The following RYR3 variants were observed in gnomAD, a reference collection of about 807,000 sequenced individuals.
RYR3 encodes the protein brain ryanodine receptor-calcium release channel.
Under a neutral mutation model 584.3 loss-of-function variants are expected in RYR3, and 207 were observed. That is an observed-to-expected ratio of 0.35 (90% CI 0.32 to 0.40). RYR3 has a LOEUF of 0.40. Among genes scored for constraint, RYR3 ranks in the 10% least tolerant of loss-of-function variants. RYR3 has a pLI of 1.00. For synonymous variants in RYR3, 2,416 were observed against 2,248.5 expected, an observed-to-expected ratio of 1.07 and a Z score of -2.11; for missense variants, 5,616 against 6,089.2, an observed-to-expected ratio of 0.92 and a Z score of 2.59.
At chr15:33,460,940 CTT>C (rs66742049) in intron 1 of RYR3, among the ~76,000 whole-genome samples, 32 of 79,208 alleles carry the variant, frequency 4.0e-4, no homozygotes, top group Admixed American at 1.3e-3. Flanking sequence ...TAATATCCAC[CTT>C]TTTTTTTTTT....
intron 38 of RYR3, among the ~76,000 whole-genome samples, chr15:33,681,319 G>C (rs554153103): frequency 6.6e-6 from 1 of 152,324 alleles, no homozygotes; most frequent in East Asian, 1.9e-4. Context: ...TAATGGTACT[G>C]CAAACAACAC....
At chr15:33,478,148 A>G (rs1325341190) in intron 2 of RYR3, among the ~76,000 whole-genome samples, 1 of 152,002 alleles carries the variant, frequency 6.6e-6, no homozygotes, top group Non-Finnish European at 1.5e-5. Flanking sequence ...CCATACTCAT[A>G]AGACTCTCAT....
chr15:33,539,500 A>G (rs1424682549), intron 6 of RYR3, 38 bp downstream of exon 6: 4 of 1,355,168 alleles, frequency 3.0e-6, no homozygotes, highest in South Asian at 1.3e-5. Context: ...CTGTTTTCAG[A>G]AATTTTTCCT....
chr15:33,516,419 C>G (rs960082917), intron 3 of RYR3, among the ~76,000 whole-genome samples: 1 of 151,808 alleles, frequency 6.6e-6, no homozygotes, highest in Non-Finnish European at 1.5e-5. Context: ...TCTCTGCTCA[C>G]TGCAACCTCT....
chr15:33,583,063 G>A (rs3794586), intron 14 of RYR3, among the ~76,000 whole-genome samples: 21,291 of 152,110 alleles, frequency 0.14, 1,879 homozygotes, highest in East Asian at 0.4. Flanking sequence ...ATCTGCCAGT[G>A]GCTTTCAAGT....
chr15:33,646,108 C>G (rs779238995), intron 28 of RYR3, among the ~76,000 whole-genome samples: 3 of 152,220 alleles, frequency 2.0e-5, no homozygotes, highest in Non-Finnish European at 2.9e-5. Flanking sequence ...CACCCTTGGC[C>G]TTACAGAGAA....
rs139082056 is a variant in RYR3, at chr15:33,787,990, G to A, written c.9590-228G>A. ...GGAGGCAGGGGCTCCTCATGGCCTG[G>A]AAGAGCAGAGCAGGAATATGGACCT... On this transcript the variant is annotated intron_variant, in intron 66 of 103. Coordinates refer to ENST00000634891, the MANE Select transcript of RYR3 (RefSeq NM_001036.6). 3.0e-3 allele frequency among the ~76,000 whole-genome samples: 463 copies of A among 152,346 alleles called. 3 individuals carry two copies. In the Middle Eastern group the frequency reaches 0.034, roughly 11 times the overall value.
At chr15:33,728,085 T>C (rs2068618085) in intron 46 of RYR3, among the ~76,000 whole-genome samples, 1 of 152,218 alleles carries the variant, frequency 6.6e-6, no homozygotes, top group Non-Finnish European at 1.5e-5. Context: ...AGACATGACA[T>C]ATTAAACTTA....
At chr15:33,741,949 C>A (rs1172858809) in intron 51 of RYR3, among the ~76,000 whole-genome samples, 1 of 152,122 alleles carries the variant, frequency 6.6e-6, no homozygotes, top group Admixed American at 6.5e-5. Flanking sequence ...GCCACTGAGC[C>A]CCAAAAGGTA....
Position 33,332,884 on chromosome 15 carries a change from C to G in RYR3, c.51+21788C>G, listed in dbSNP as rs561309909. On this transcript the variant is annotated intron_variant, in intron 1 of 103. Coordinates refer to ENST00000634891, the MANE Select transcript of RYR3 (RefSeq NM_001036.6). The stretch of plus-strand genomic sequence containing the variant: ...GTAGCAGAACAGATAATAAATCTCA[C>G]TATTTACTGTCAGAACTCTGTTGCA... Among the ~76,000 whole-genome samples the G allele has an allele frequency of 9.1e-4, 138 of 152,126 alleles. 1 individual carries two copies. The highest frequency in any genetic ancestry group is 3.3e-3 in the African/African-American group (136 of 41,530).
intron 45 of RYR3, among the ~76,000 whole-genome samples, chr15:33,725,993 A>AAAAAAAAAAAAC (rs1555427717): frequency 1.3e-5 from 1 of 79,034 alleles, no homozygotes; most frequent in Non-Finnish European, 2.7e-5. Context: ...AAAAAAAAAA[A>AAAAAAAAAAAAC]AAAACAGAAT....
At chr15:33,732,433 C>G (rs991862987) in intron 48 of RYR3, among the ~76,000 whole-genome samples, 2 of 150,300 alleles carry the variant, frequency 1.3e-5, no homozygotes, top group East Asian at 3.9e-4. Flanking sequence ...CCAAGACCAG[C>G]AACAAATGAA....
chr15:33,530,087 C>T (rs748540578), intron 3 of RYR3, among the ~76,000 whole-genome samples: 8 of 152,124 alleles, frequency 5.3e-5, no homozygotes, highest in Non-Finnish European at 1.0e-4. Flanking sequence ...AGCCATCTCT[C>T]GTTGGTGAGA....
At chr15:33,570,037 AT>A (rs796569065) in intron 12 of RYR3, among the ~76,000 whole-genome samples, 16 of 151,072 alleles carry the variant, frequency 1.1e-4, no homozygotes, top group African/African-American at 3.9e-4. Context: ...GGCTTTTCTC[AT>A]TTTTTTTAAA....
chr15:33,559,510 T>A (rs2057289265), intron 10 of RYR3, among the ~76,000 whole-genome samples: 1 of 152,128 alleles, frequency 6.6e-6, no homozygotes, highest in African/African-American at 2.4e-5. Flanking sequence ...ACACTACCAC[T>A]TTTGTTGGGG....
chr15:33,648,964 A>G (rs1219892131), intron 30 of RYR3, 108 bp from the exon 31 acceptor site: 1 of 1,110,666 alleles, frequency 9.0e-7, no homozygotes, highest in Non-Finnish European at 1.3e-6. Context: ...TCCAGAAAAA[A>G]AAGGGGGGGC....
chr15:33,391,455 A>G (rs1181288480), intron 1 of RYR3, among the ~76,000 whole-genome samples: 1 of 151,830 alleles, frequency 6.6e-6, no homozygotes, highest in Non-Finnish European at 1.5e-5. Flanking sequence ...GTGAAACCCC[A>G]TCTCTACTAA....
intron 55 of RYR3, among the ~76,000 whole-genome samples, chr15:33,749,659 C>T (rs1034941707): frequency 6.6e-6 from 1 of 152,160 alleles, no homozygotes; most frequent in African/African-American, 2.4e-5. Flanking sequence ...AGTACAATAC[C>T]AAGCTGCTGT....
intron 1 of RYR3, among the ~76,000 whole-genome samples, chr15:33,351,672 C>G (rs1354656619): frequency 6.6e-6 from 1 of 150,858 alleles, no homozygotes; most frequent in Non-Finnish European, 1.5e-5. Context: ...ATGATTATCT[C>G]AATAGATGCA....
Sources: allele counts gnomAD v4.1 joint callset (sites outside exome capture counted in the v4.1 genomes callset), GRCh38; gene constraint gnomAD v4.1.1; transcripts MANE v1.5; gene names NCBI Gene and HGNC (gene_info 2026-07-23, HGNC 2026-07-21).